Variants in SYT10 observed in about 807,000 individuals in gnomAD.
The protein encoded by SYT10 is synaptotagmin-10.
Under a neutral mutation model 51.1 loss-of-function variants are expected in SYT10, and 31 were observed. The observed-to-expected ratio is 0.61, with a 90% CI of 0.46 to 0.82. The LOEUF is 0.82. Ranked by LOEUF, SYT10 falls within the 40% of genes least tolerant of loss-of-function variation. The pLI is 0.00. For missense variants in SYT10, 603 were observed against 634.0 expected, an observed-to-expected ratio of 0.95 and a Z score of 0.53; for synonymous variants, 233 against 225.9, an observed-to-expected ratio of 1.03 and a Z score of -0.28.
intron 1 of SYT10, chr12:33,432,839 G>C (rs1316532535): frequency 1.8e-4 from 28 of 152,014 alleles, no homozygotes. Context: ...AGGAAAAAAA[G>C]TCATTAATAT....
chr12:33,416,041 C>T (rs926223474), intron 2 of SYT10, among the ~76,000 whole-genome samples: 3 of 145,376 alleles, frequency 2.1e-5, no homozygotes, highest in Non-Finnish European at 4.6e-5. Flanking sequence ...AGTGAAGTAA[C>T]AGTTTCCTCT....
At chr12:33,408,243 A>T (rs892930088) in intron 2 of SYT10, 2 of 152,182 alleles carry the variant, frequency 1.3e-5, no homozygotes, top group African/African-American at 4.8e-5. Context: ...ATTTACTTTT[A>T]AAAAGAATAT....
At chr12:33,404,484 C>T (rs371877853) in intron 3 of SYT10, among the ~76,000 whole-genome samples, 81 of 152,238 alleles carry the variant, frequency 5.3e-4, no homozygotes, top group African/African-American at 1.6e-3. Flanking sequence ...CTCCGCCTCC[C>T]GGGTTCAAGC....
chr12:33,402,284 A>G (rs536416967), intron 3 of SYT10, among the ~76,000 whole-genome samples: 3 of 152,328 alleles, frequency 2.0e-5, no homozygotes, highest in Admixed American at 2.0e-4. Flanking sequence ...TTCATTTCAT[A>G]TTCACACTTT....
intron 2 of SYT10, among the ~76,000 whole-genome samples, chr12:33,419,225 T>C (rs1458320547): frequency 6.6e-6 from 1 of 152,222 alleles, no homozygotes; most frequent in African/African-American, 2.4e-5. Flanking sequence ...TTATTTTCTG[T>C]AGGACTTATT....
At chr12:33,410,819 AAAT>A (rs1443477999) in intron 2 of SYT10, among the ~76,000 whole-genome samples, 5 of 152,186 alleles carry the variant, frequency 3.3e-5, no homozygotes, top group African/African-American at 1.2e-4. Context: ...AGAAAATAAA[AAAT>A]AATAATAAAA....
chr12:33,380,543 C>T (rs1289351452), intron 5 of SYT10, among the ~76,000 whole-genome samples: 3 of 152,094 alleles, frequency 2.0e-5, no homozygotes, highest in African/African-American at 7.2e-5. Context: ...CTATTCAGGT[C>T]CTGCTTTCAT....
chr12:33,409,507 T>C (rs1284950436), intron 2 of SYT10, among the ~76,000 whole-genome samples: 2 of 147,984 alleles, frequency 1.4e-5, no homozygotes, highest in East Asian at 4.0e-4. Context: ...GTGAGAACAT[T>C]GATTTCTTTT....
chr12:33,430,993 G>T (rs1489491788), intron 1 of SYT10, among the ~76,000 whole-genome samples: 1 of 152,154 alleles, frequency 6.6e-6, no homozygotes, highest in Non-Finnish European at 1.5e-5. Flanking sequence ...AAGTGAGACT[G>T]TCCCAGCATA....
At position 33,386,967 on chromosome 12, in the gene SYT10, A is replaced by G. The variant is rs374370429; in HGVS notation, c.1078-1676T>C. Among the ~76,000 whole-genome samples the G allele has an allele frequency of 1.1e-4, 17 of 152,234 alleles. No homozygotes were observed. The East Asian group carries it at 3.3e-3, about 29-fold the overall frequency. On this transcript the variant is annotated intron_variant, in intron 3 of 6. Coordinates refer to ENST00000228567, the MANE Select transcript of SYT10 (RefSeq NM_198992.4). ...TGACTGCATAGATGGTGGACAAATG[A>G]AAATGAATGTGGACAATGGACAATT... is the stretch of plus-strand genomic sequence containing the variant.
At chr12:33,432,107 CAG>C (rs1476609527) in intron 1 of SYT10, among the ~76,000 whole-genome samples, 1 of 151,956 alleles carries the variant, frequency 6.6e-6, no homozygotes, top group Non-Finnish European at 1.5e-5. Flanking sequence ...ATATTTGTGT[CAG>C]AGTGATATAA....
In SYT10 at chr12:33,376,764, C is replaced by A; in HGVS notation, c.*66G>T. ...TCAAATGAGGAAACCAAACCTTCCA[C>A]TTTTTTTCTGATTCAATGAGCACGT... is the stretch of plus-strand genomic sequence containing the variant. On this transcript the variant is annotated 3_prime_UTR_variant, in exon 7 of 7. Transcript: ENST00000228567. The A allele has an allele frequency of 1.9e-6, 3 of 1,584,672 alleles. No homozygotes were observed. The highest frequency in any genetic ancestry group is 2.6e-6 in the Non-Finnish European group (3 of 1,156,202).
chr12:33,379,924 C>T lies in SYT10; in HGVS notation c.1408G>A (p.Gly470Arg). The T allele has an allele frequency of 6.2e-7, 1 of 1,613,888 alleles. No homozygotes were observed. The highest frequency in any genetic ancestry group is 8.5e-7 in the Non-Finnish European group (1 of 1,179,888). ...HNEVIGVCRT[G>R]LDAEGLGRDH... ...CGCCCAAGACCCTCAGCATCCAGTC[C>T]TGTTCTGCACACTCCTATGACCTCA... The change falls in exon 6 of 7, where the codon GGA becomes AGA. Residue 470 changes from glycine to arginine, a missense_variant. Transcript: ENST00000228567.
At chr12:33,410,245 T>C (rs1203614721) in intron 2 of SYT10, among the ~76,000 whole-genome samples, 2 of 152,212 alleles carry the variant, frequency 1.3e-5, no homozygotes, top group South Asian at 2.1e-4. Flanking sequence ...TGTGCATTAA[T>C]AGAATGGAAT....
intron 3 of SYT10, among the ~76,000 whole-genome samples, chr12:33,396,555 T>C (rs934050783): frequency 1.3e-5 from 2 of 152,206 alleles, no homozygotes; most frequent in Admixed American, 1.3e-4. Flanking sequence ...AAATATGTTT[T>C]GGAACCTATA....
In SYT10 at chr12:33,374,403, A is replaced by G. The variant is rs866162059; in HGVS notation, c.*2427T>C. 6.6e-6 allele frequency: 1 copy of G among 151,796 alleles called. No individual in the cohort carries two copies. The allele number at this position is 151,796 out of a possible 1,614,324, so 9.4% of individuals were successfully genotyped here. A position where few individuals can be genotyped will look rare whatever the true frequency, so the allele number is the denominator to read the frequency against. On this transcript the variant is annotated 3_prime_UTR_variant, in exon 7 of 7. Coordinates refer to ENST00000228567, the MANE Select transcript of SYT10 (RefSeq NM_198992.4). ...GATTTGTAATATCAAATCTTATTTTAAATACTGAAACTGAAAATATTTCAT... is the reference window on the plus strand; with the variant it reads ...GATTTGTAATATCAAATCTTATTTTGAATACTGAAACTGAAAATATTTCAT...
chr12:33,422,130 A>C (rs988117006), intron 2 of SYT10, among the ~76,000 whole-genome samples: 1 of 152,122 alleles, frequency 6.6e-6, no homozygotes, highest in Non-Finnish European at 1.5e-5. Flanking sequence ...AGAAGTGAAT[A>C]CGGCTGATTT....
chr12:33,400,823 C>T (rs1405362847), intron 3 of SYT10, among the ~76,000 whole-genome samples: 5 of 151,952 alleles, frequency 3.3e-5, no homozygotes, highest in South Asian at 2.1e-4. Context: ...GTCAGGAGTT[C>T]GAGACCAGCC....
At position 33,407,276 on chromosome 12, in the gene SYT10, A is replaced by G; in HGVS notation, c.590T>C (p.Leu197Ser). The G allele has an allele frequency of 6.2e-7, 1 of 1,613,452 alleles. No individual in the cohort carries two copies. Among genetic ancestry groups the G allele is most frequent in the Non-Finnish European group, 8.5e-7 (1 of 1,180,034 alleles). Residue 197 changes from leucine (L) to serine (S), a missense_variant, in exon 3 of 7, where the codon TTA becomes TCA. Transcript: ENST00000228567. ...GCTGGTTGTTGTTTCTCCTCGTTGT[A>G]AAACAGGTTCTGTGCCCATGCTAAA... ...VDFSMGTEPV[L>S]QRGETTTSIG...
Sources: gnomAD v4.1 joint callset for allele counts (sites outside exome capture counted in the v4.1 genomes callset) on GRCh38, gnomAD v4.1.1 for gene constraint, MANE v1.5 for transcripts, NCBI Gene and HGNC (gene_info 2026-07-23, HGNC 2026-07-21) for gene names.